The following TBCEL variants were observed in gnomAD, a reference collection of about 807,000 sequenced individuals.
TBCEL encodes the protein tubulin-specific chaperone cofactor E-like protein.
Under a neutral mutation model 44.2 loss-of-function variants are expected in TBCEL, and 15 were observed. That is an observed-to-expected ratio of 0.34 (90% CI 0.23 to 0.52). The LOEUF is 0.52. TBCEL is among the 20% of genes least tolerant of loss of function. TBCEL has a pLI of 0.95. For synonymous variants in TBCEL, 171 were observed against 185.4 expected (o/e 0.92, Z 0.63); for missense variants, 319 against 506.3 (o/e 0.63, Z 3.55).
Position 121,060,726 on chromosome 11 carries a change from AC to A in TBCEL, c.956+647del, listed in dbSNP as rs934354098. Among the ~76,000 whole-genome samples the A allele has an allele frequency of 5.9e-5, 9 of 151,800 alleles. No individual in the cohort carries two copies. The East Asian group carries it at 7.7e-4, about 13-fold the overall frequency. ...AGGCAAACATTCAAGAAAAAAAAAT[AC>A]CCCCCAAAACAGGTTTCTGGGTATT... On this transcript the variant is annotated intron_variant, in intron 8 of 8. Coordinates refer to ENST00000683345, the MANE Select transcript of TBCEL (RefSeq NM_001363644.2).
At chr11:121,063,807 G>T (rs1372262337) in intron 8 of TBCEL, among the ~76,000 whole-genome samples, 2 of 151,440 alleles carry the variant, frequency 1.3e-5, no homozygotes, top group Admixed American at 1.3e-4. Flanking sequence ...GGGGAGAGGG[G>T]TGGATCTCAA....
chr11:121,036,332 T>C (rs1591381553), intron 1 of TBCEL, 173 bp from the exon 2 acceptor site: 1 of 152,324 alleles, frequency 6.6e-6, no homozygotes, highest in East Asian at 1.9e-4. Context: ...TAGATGTAAA[T>C]TTGTTTGTAA....
In TBCEL at chr11:121,047,661, G is replaced by A; in HGVS notation, c.267G>A (p.Trp89Ter). Residue 89 changes from tryptophan (W) to a stop codon, truncating the protein, a stop_gained, in exon 4 of 9, where the codon TGG becomes TGA. Transcript: ENST00000683345. LOFTEE classifies it high-confidence loss of function. ...TTTCTGACAACAAACTCGAAGACTG[G>A]CATGAGGTGAAGTTTTTATATTGCT... is the stretch of plus-strand genomic sequence containing the variant. ...LDLSDNKLED[W>*]HEVSKIVSNV... is the part of the protein sequence containing the mutation. 1 of 1,612,180 alleles carries A rather than the reference G, an allele frequency of 6.2e-7. No homozygotes were observed. The highest frequency in any genetic ancestry group is 8.5e-7 in the Non-Finnish European group (1 of 1,178,926).
Position 121,089,957 on chromosome 11 carries a change from A to C in TBCEL, c.*2861A>C, listed in dbSNP as rs893538455. On this transcript the variant is annotated 3_prime_UTR_variant, in exon 9 of 9. Coordinates refer to ENST00000683345, the MANE Select transcript of TBCEL (RefSeq NM_001363644.2). ...GAACGGCTGCTAAAGCCACAGTAGA[A>C]ACCAATTTTTGAATTTGAATTGTTG... The C allele has an allele frequency of 3.9e-5, 6 of 152,214 alleles. No individual in the cohort carries two copies. Among genetic ancestry groups the C allele is most frequent in the Middle Eastern group, 3.2e-3 (1 of 316 alleles). The allele number at this position is 152,214 out of a possible 1,614,324, so 9.4% of individuals were successfully genotyped here. A position where few individuals can be genotyped will look rare whatever the true frequency, so the allele number is the denominator to read the frequency against.
At chr11:121,047,714 A>G in intron 4 of TBCEL, 47 bp downstream of exon 4, 1 of 1,596,580 alleles carries the variant, frequency 6.3e-7, no homozygotes, top group Non-Finnish European at 8.6e-7. Context: ...AGCAATAACC[A>G]TTGTGTCATT....
At chr11:121,039,591 A>T (rs188453054) in intron 2 of TBCEL, among the ~76,000 whole-genome samples, 95 of 152,356 alleles carry the variant, frequency 6.2e-4, no homozygotes, top group African/African-American at 2.3e-3. Flanking sequence ...TGGGGGAAAT[A>T]AACCTAATTG....
chr11:121,073,279 A>G (rs1017274037), intron 8 of TBCEL, among the ~76,000 whole-genome samples: 4 of 152,028 alleles, frequency 2.6e-5, no homozygotes, highest in African/African-American at 7.2e-5. Context: ...ATCTGTGAAC[A>G]TAGAATGTTT....
intron 8 of TBCEL, among the ~76,000 whole-genome samples, chr11:121,078,415 G>A (rs1336045878): frequency 6.6e-6 from 1 of 152,148 alleles, no homozygotes; most frequent in Non-Finnish European, 1.5e-5. Context: ...TCCTGGTCCA[G>A]AACCAGCTCT....
intron 8 of TBCEL, among the ~76,000 whole-genome samples, chr11:121,068,799 A>G (rs1287531320): frequency 6.6e-6 from 1 of 151,904 alleles, no homozygotes; most frequent in African/African-American, 2.4e-5. Context: ...AGGGAGGAGA[A>G]TCACTTGAAC....
intron 8 of TBCEL, among the ~76,000 whole-genome samples, chr11:121,074,419 A>G (rs952714815): frequency 6.6e-6 from 1 of 151,976 alleles, no homozygotes; most frequent in Non-Finnish European, 1.5e-5. Context: ...TTTTCATTTA[A>G]CCATAGATCT....
intron 1 of TBCEL, among the ~76,000 whole-genome samples, chr11:121,028,227 T>C (rs1945081098): frequency 1.3e-5 from 2 of 148,956 alleles, no homozygotes; most frequent in Non-Finnish European, 3.0e-5. Context: ...ATAAATAAAA[T>C]AAAATAAAAT....
At chr11:121,043,900 A>G (rs1945379810) in intron 2 of TBCEL, among the ~76,000 whole-genome samples, 1 of 152,040 alleles carries the variant, frequency 6.6e-6, no homozygotes, top group Non-Finnish European at 1.5e-5. Flanking sequence ...ATTCAACTCC[A>G]GATTGTTTCC....
intron 4 of TBCEL, among the ~76,000 whole-genome samples, chr11:121,052,053 T>C (rs1259728289): frequency 2.0e-5 from 3 of 151,844 alleles, no homozygotes; most frequent in Non-Finnish European, 2.9e-5. Context: ...CTATGAAGCT[T>C]CTGATTCAGT....
chr11:121,024,927 G>A (rs1013140023), intron 1 of TBCEL, among the ~76,000 whole-genome samples: 2 of 152,156 alleles, frequency 1.3e-5, no homozygotes, highest in South Asian at 2.1e-4. Context: ...ACTGACAGGC[G>A]GGTGCCTTGT....
At chr11:121,083,742 GTTTTGT>G (rs1020882174) in intron 8 of TBCEL, among the ~76,000 whole-genome samples, 2 of 152,118 alleles carry the variant, frequency 1.3e-5, no homozygotes, top group South Asian at 2.1e-4. Context: ...GAGTATTGGG[GTTTTGT>G]TTTTGTTTTT....
intron 8 of TBCEL, among the ~76,000 whole-genome samples, chr11:121,074,443 T>C (rs1945997318): frequency 6.6e-6 from 1 of 152,070 alleles, no homozygotes; most frequent in Non-Finnish European, 1.5e-5. Context: ...ATAGCATCTG[T>C]GTTGAGGGTC....
intron 8 of TBCEL, among the ~76,000 whole-genome samples, chr11:121,070,266 T>A (rs1158976508): frequency 1.3e-5 from 2 of 152,216 alleles, no homozygotes; most frequent in East Asian, 3.8e-4. Flanking sequence ...GAGTGTAAAC[T>A]AGTTCAACCA....
Position 121,087,601 on chromosome 11 carries a change from T to C in TBCEL, c.*505T>C, listed in dbSNP as rs1428677426. 6.5e-6 allele frequency: 1 copy of C among 154,158 alleles called. No individual in the cohort carries two copies. The highest frequency in any genetic ancestry group is 1.4e-5 in the Non-Finnish European group (1 of 69,564). 9.5% of individuals were successfully genotyped at this position (154,158 alleles called of 1,614,324 possible). ...GTTCCATTTTTTTTTCATTTTGACATGTGGTTTACCTAATAGTTTTGTTCT... is the reference window on the plus strand; with the variant it reads ...GTTCCATTTTTTTTTCATTTTGACACGTGGTTTACCTAATAGTTTTGTTCT... On this transcript the variant is annotated 3_prime_UTR_variant, in exon 9 of 9. Transcript: ENST00000683345.
intron 8 of TBCEL, among the ~76,000 whole-genome samples, chr11:121,065,248 A>G (rs747512388): frequency 4.6e-5 from 7 of 152,186 alleles, no homozygotes; most frequent in Non-Finnish European, 8.8e-5. Flanking sequence ...GTGAACGGGA[A>G]TAAGTTTATT....
Sources: allele counts gnomAD v4.1 joint callset (sites outside exome capture counted in the v4.1 genomes callset), GRCh38; gene constraint gnomAD v4.1.1; transcripts MANE v1.5; gene names NCBI Gene and HGNC (gene_info 2026-07-23, HGNC 2026-07-21).